Variants in PBRM1 observed in about 807,000 individuals in gnomAD.
PBRM1 encodes the protein protein polybromo-1.
PBRM1 carries 27 observed loss-of-function variants against 194.5 expected under a neutral mutation model. That is an observed-to-expected ratio of 0.14 (90% CI 0.10 to 0.19). PBRM1 has a LOEUF of 0.19. PBRM1 is among the 10% of genes least tolerant of loss of function. The pLI, the probability that PBRM1 is intolerant of heterozygous loss-of-function variation, is 1.00. For missense variants in PBRM1, 1,466 were observed against 2,077.2 expected (o/e 0.71, Z 5.72); for synonymous variants, 655 against 693.2 (o/e 0.94, Z 0.87).
At chr3:52,658,133 A>T in intron 5 of PBRM1, 66 bp downstream of exon 6, 1 of 795,804 alleles carries the variant, frequency 1.3e-6, no homozygotes, top group Non-Finnish European at 2.2e-6. Context: ...ATCAGTAATT[A>T]ATACAATTCT....
chr3:52,557,621 CT>C (rs71084189), intron 26 of PBRM1, among the ~76,000 whole-genome samples: 62,679 of 149,808 alleles, frequency 0.42, 13,196 homozygotes, highest in Admixed American at 0.5. Flanking sequence ...TTTTCTTTTT[CT>C]TTTTTTTTTT....
At chr3:52,639,654 GC>G (rs2095991547) in intron 10 of PBRM1, among the ~76,000 whole-genome samples, 1 of 152,074 alleles carries the variant, frequency 6.6e-6, no homozygotes, top group Non-Finnish European at 1.5e-5. Context: ...GACTGCTTGA[GC>G]CCAGGAGTGG....
chr3:52,670,091 C>T (rs1456456506), intron 2 of PBRM1, among the ~76,000 whole-genome samples: 1 of 152,198 alleles, frequency 6.6e-6, no homozygotes, highest in Admixed American at 6.5e-5. Flanking sequence ...CTTGCTGAGG[C>T]AGGACCCCAG....
chr3:52,672,565 G>T (rs541110290), intron 2 of PBRM1, among the ~76,000 whole-genome samples: 1 of 132,326 alleles, frequency 7.6e-6, no homozygotes. Flanking sequence ...CGTTATCTCC[G>T]CACACTGCAA....
chr3:52,599,475 A>G (rs1040156381), intron 17 of PBRM1, among the ~76,000 whole-genome samples: 5 of 152,108 alleles, frequency 3.3e-5, no homozygotes, highest in African/African-American at 1.2e-4. Context: ...AATGCTCAAC[A>G]TAACTATAAA....
At chr3:52,668,724 T>C in intron 2 of PBRM1, 79 bp from the exon 4 acceptor site, 1 of 717,010 alleles carries the variant, frequency 1.4e-6, no homozygotes, top group African/African-American at 1.9e-5. Context: ...TTTATGGTAA[T>C]GTTCAACATT....
In PBRM1 at chr3:52,615,527, G is replaced by A; in HGVS notation, c.1819-71C>T. On this transcript the variant is annotated intron_variant, in intron 14 of 29. Transcript: ENST00000296302. The stretch of plus-strand genomic sequence containing the variant: ...TTAAGGTATAAAATGCATCCATAAA[G>A]AAGTTTTAAAAAGACAGTTTATGAT... The A allele has an allele frequency of 1.3e-5, 13 of 973,214 alleles. No individual in the cohort carries two copies. In the South Asian group the frequency reaches 1.5e-4, roughly 11 times the overall value. The allele number at this position is 973,214 out of a possible 1,614,324, so 60.3% of individuals were successfully genotyped here.
At chr3:52,656,437 G>A (rs2096608451) in intron 5 of PBRM1, among the ~76,000 whole-genome samples, 1 of 152,198 alleles carries the variant, frequency 6.6e-6, no homozygotes, top group Non-Finnish European at 1.5e-5. Context: ...GCTGAGGCAG[G>A]TGCATCACTT....
At chr3:52,627,143 T>A (rs564997939) in intron 13 of PBRM1, 130 bp downstream of exon 14, 31 of 521,836 alleles carry the variant, frequency 5.9e-5, no homozygotes, top group African/African-American at 5.3e-4. Context: ...AAATGAATTT[T>A]AAAAGAGAAC....
At chr3:52,625,989 A>T (rs954287100) in intron 13 of PBRM1, among the ~76,000 whole-genome samples, 1 of 152,168 alleles carries the variant, frequency 6.6e-6, no homozygotes, top group African/African-American at 2.4e-5. Flanking sequence ...TTAATACTCA[A>T]CTAATTTAAG....
chr3:52,617,563 G>A (rs1208212652), intron 13 of PBRM1, 25 bp from the exon 16 acceptor site: 1 of 1,556,106 alleles, frequency 6.4e-7, no homozygotes, highest in Non-Finnish European at 8.6e-7. Flanking sequence ...GTAGAAAAGG[G>A]GAAAAATTAG....
At chr3:52,608,469 T>C (rs75242954) in intron 16 of PBRM1, among the ~76,000 whole-genome samples, 1 of 152,204 alleles carries the variant, frequency 6.6e-6, no homozygotes, top group Admixed American at 6.5e-5. Flanking sequence ...ATGTTTTTTT[T>C]CTTTTATTTG....
chr3:52,577,205 C>T (rs563366313), intron 21 of PBRM1, among the ~76,000 whole-genome samples: 24 of 152,066 alleles, frequency 1.6e-4, no homozygotes, highest in African/African-American at 5.3e-4. Flanking sequence ...CCAAGGTGGG[C>T]GAATCACGTG....
rs766636353 is a variant in PBRM1, at chr3:52,587,517, A to G, written c.2966-7T>C. 32 of 1,586,008 alleles carry G rather than the reference A, an allele frequency of 2.0e-5. No homozygotes were observed. Among genetic ancestry groups the G allele is most frequent in the Non-Finnish European group, 2.7e-5 (32 of 1,165,512 alleles). On this transcript the variant is annotated splice_polypyrimidine_tract_variant and splice_region_variant and intron_variant, in intron 18 of 29. Transcript: ENST00000296302. Reference sequence around the variant, plus strand: ...CCATACAACCATTTTTCACCTCAAAAATGGGGGGTGGGGGAAGGGGAAGAG... The same window carrying G: ...CCATACAACCATTTTTCACCTCAAAGATGGGGGGTGGGGGAAGGGGAAGAG...
intron 14 of PBRM1, among the ~76,000 whole-genome samples, chr3:52,616,779 A>G (rs2094980229): frequency 6.6e-6 from 1 of 152,258 alleles, no homozygotes; most frequent in Non-Finnish European, 1.5e-5. Context: ...TGATTTTTAT[A>G]TAATTATACA....
intron 2 of PBRM1, among the ~76,000 whole-genome samples, chr3:52,671,618 T>G (rs1035333252): frequency 2.6e-5 from 4 of 152,254 alleles, no homozygotes; most frequent in African/African-American, 9.6e-5. Flanking sequence ...AAATAAGATA[T>G]GATTGGGAAA....
chr3:52,635,281 C>G (rs530348397), intron 10 of PBRM1, among the ~76,000 whole-genome samples: 42 of 152,158 alleles, frequency 2.8e-4, no homozygotes, highest in African/African-American at 9.4e-4. Flanking sequence ...AAAATAGTCT[C>G]TAAGGCTGGG....
At chr3:52,635,373 G>A (rs6796726) in intron 10 of PBRM1, among the ~76,000 whole-genome samples, 1 of 151,774 alleles carries the variant, frequency 6.6e-6, no homozygotes, top group Non-Finnish European at 1.5e-5. Flanking sequence ...CGAGACCAGC[G>A]TGGCCAACAT....
At chr3:52,669,897 T>C (rs753104623) in intron 2 of PBRM1, among the ~76,000 whole-genome samples, 5 of 152,120 alleles carry the variant, frequency 3.3e-5, no homozygotes, top group Non-Finnish European at 5.9e-5. Context: ...CAGGTCCACT[T>C]ATATGGGAAC....
Sources: gnomAD v4.1 joint callset for allele counts (sites outside exome capture counted in the v4.1 genomes callset) on GRCh38, gnomAD v4.1.1 for gene constraint, MANE v1.5 for transcripts, NCBI Gene and HGNC (gene_info 2026-07-23, HGNC 2026-07-21) for gene names.